Variants in CAMTA1 observed in about 807,000 individuals in gnomAD.
CAMTA1 encodes the protein calmodulin-binding transcription activator 1.
In CAMTA1, 27 loss-of-function variants were observed where a neutral mutation model predicts 170.9. The ratio of observed to expected loss-of-function variants is 0.16; its 90% CI spans 0.12 to 0.22. CAMTA1 has a LOEUF of 0.22. Among genes scored for constraint, CAMTA1 ranks in the 10% least tolerant of loss-of-function variants. The probability of loss-of-function intolerance (pLI) is 1.00; values close to 1 mark genes in which losing one functional copy is unlikely to be tolerated. For missense variants in CAMTA1, 1,619 were observed against 2,217.2 expected, an observed-to-expected ratio of 0.73 and a Z score of 5.42; for synonymous variants, 833 against 891.5, an observed-to-expected ratio of 0.93 and a Z score of 1.17.
At chr1:7,403,923 C>T (rs1422648244) in intron 5 of CAMTA1, among the ~76,000 whole-genome samples, 1 of 152,168 alleles carries the variant, frequency 6.6e-6, no homozygotes, top group African/African-American at 2.4e-5. Context: ...TCTGGCTTCT[C>T]AGTGGCAGAG....
At chr1:7,758,038 A>G (rs2150241613) in intron 22 of CAMTA1, among the ~76,000 whole-genome samples, 1 of 152,274 alleles carries the variant, frequency 6.6e-6, no homozygotes, top group Non-Finnish European at 1.5e-5. Flanking sequence ...CTGCATATAT[A>G]TAGATAATCT....
Position 7,641,494 on chromosome 1 carries a change from G to A in CAMTA1, c.664+941G>A, listed in dbSNP as rs1457349215. Among the ~76,000 whole-genome samples, 1 of 152,196 alleles carries A rather than the reference G, an allele frequency of 6.6e-6. No homozygotes were observed. The highest frequency in any genetic ancestry group is 1.5e-5 in the Non-Finnish European group (1 of 68,030). On this transcript the variant is annotated intron_variant, in intron 7 of 22. Coordinates refer to ENST00000303635, the MANE Select transcript of CAMTA1 (RefSeq NM_015215.4). This position sits in a 1 kb window ranked among gnomAD's most constrained non-coding sequence, Gnocchi z 4.5. The stretch of plus-strand genomic sequence containing the variant: ...TATTCTTTCTGCGGCTGGGAGGAAA[G>A]GTGAAGGTCCTGTGCCTGGGAGGGC...
chr1:7,469,485 C>G (rs932674344), intron 6 of CAMTA1, among the ~76,000 whole-genome samples: 4 of 152,232 alleles, frequency 2.6e-5, no homozygotes, highest in African/African-American at 9.6e-5. Flanking sequence ...TTATCCAAAG[C>G]AGCCTGCAGC....
At chr1:7,081,997 T>C (rs1640073132) in intron 3 of CAMTA1, among the ~76,000 whole-genome samples, 1 of 152,218 alleles carries the variant, frequency 6.6e-6, no homozygotes, top group South Asian at 2.1e-4. Context: ...CCCATTTACC[T>C]TGCTTTTGAA....
chr1:7,078,854 T>C (rs1639648421), intron 3 of CAMTA1, among the ~76,000 whole-genome samples: 1 of 152,216 alleles, frequency 6.6e-6, no homozygotes, highest in South Asian at 2.1e-4. Context: ...AGTGATCTTG[T>C]TGAGCTGAGG....
intron 3 of CAMTA1, among the ~76,000 whole-genome samples, chr1:6,911,490 TG>T (rs1679670726): frequency 6.6e-6 from 1 of 152,216 alleles, no homozygotes; most frequent in South Asian, 2.1e-4. Context: ...TTCCTGTGTT[TG>T]AGCCATCTCT....
chr1:6,804,944 G>A (rs2148263176), intron 1 of CAMTA1, among the ~76,000 whole-genome samples: 1 of 152,250 alleles, frequency 6.6e-6, no homozygotes, highest in South Asian at 2.1e-4. Flanking sequence ...AGACATTTGA[G>A]TTATTCCACT....
chr1:7,499,001 T>G (rs2093906400), intron 6 of CAMTA1, among the ~76,000 whole-genome samples: 1 of 110,552 alleles, frequency 9.0e-6, no homozygotes, highest in African/African-American at 4.4e-5. Flanking sequence ...TGTATATGAG[T>G]GTGTGTGCAT....
intron 5 of CAMTA1, among the ~76,000 whole-genome samples, chr1:7,368,229 C>T (rs1394098118): frequency 6.7e-6 from 1 of 149,306 alleles, no homozygotes; most frequent in Non-Finnish European, 1.5e-5. Flanking sequence ...TGGGTGCAGG[C>T]ACTGGGCATG....
rs2095649668 is a variant in CAMTA1, at chr1:7,628,768, AG to A, written c.511-11628del. On this transcript the variant is annotated intron_variant, in intron 6 of 22. Transcript: ENST00000303635. ...CGTGCTTGGAGAGGATGGAAGAGAC[AG>A]GGGAGGGCAGCAGGCCTGGCTTCCA... Among the ~76,000 whole-genome samples the A allele has an allele frequency of 2.6e-5, 4 of 151,980 alleles. No homozygotes were observed. In the South Asian group the frequency reaches 6.2e-4, roughly 24 times the overall value.
intron 3 of CAMTA1, among the ~76,000 whole-genome samples, chr1:6,868,647 G>T (rs558255885): frequency 1.3e-5 from 2 of 152,292 alleles, no homozygotes; most frequent in East Asian, 3.9e-4. Context: ...GGGGCAGGGA[G>T]GGAGGGGGGA....
rs184162522 is a variant in CAMTA1 at position 6,940,749 on chromosome 1, C to T, written c.234+115539C>T. ...GTGCACTGGGGATTACTGGAGCCCTCGGAGTTGAGGGAGGCCAGAGAAGGA... is the reference window on the plus strand; with the variant it reads ...GTGCACTGGGGATTACTGGAGCCCTTGGAGTTGAGGGAGGCCAGAGAAGGA... On this transcript the variant is annotated intron_variant, in intron 3 of 22. Transcript: ENST00000303635. 3.4e-3 allele frequency among the ~76,000 whole-genome samples: 523 copies of T among 152,084 alleles called. 1 individual carries two copies. Among genetic ancestry groups the T allele is most frequent in the South Asian group, 8.5e-3 (41 of 4,806 alleles).
At chr1:6,872,378 T>C (rs1054399702) in intron 3 of CAMTA1, among the ~76,000 whole-genome samples, 1 of 152,204 alleles carries the variant, frequency 6.6e-6, no homozygotes, top group Non-Finnish European at 1.5e-5. Flanking sequence ...TATTCTGAAG[T>C]ATTTTGGGGA....
Position 7,755,769 on chromosome 1 carries a change from G to A in CAMTA1, c.4989+101G>A, listed in dbSNP as rs571963104. Reference sequence around the variant, plus strand: ...GGCTGCAGCCTAGGTATGCCAGTAAGTTTCACATCCATTTTGAATGAATTA... The same window carrying A: ...GGCTGCAGCCTAGGTATGCCAGTAAATTTCACATCCATTTTGAATGAATTA... On this transcript the variant is annotated intron_variant, in intron 22 of 22. Transcript: ENST00000303635. 8.5e-5 allele frequency: 78 copies of A among 914,946 alleles called. 1 individual carries two copies. In the South Asian group the frequency reaches 1.0e-3, roughly 12 times the overall value. 56.7% of individuals were successfully genotyped at this position (914,946 alleles called of 1,614,324 possible). A position where few individuals can be genotyped will look rare whatever the true frequency, so the allele number is the denominator to read the frequency against.
chr1:7,042,338 G>T (rs932551511), intron 3 of CAMTA1, among the ~76,000 whole-genome samples: 1 of 152,174 alleles, frequency 6.6e-6, no homozygotes, highest in African/African-American at 2.4e-5. Flanking sequence ...GGGCAGAAAC[G>T]CTGTTTCTTC....
At chr1:7,196,939 A>C (rs573046862) in intron 4 of CAMTA1, among the ~76,000 whole-genome samples, 1 of 152,322 alleles carries the variant, frequency 6.6e-6, no homozygotes, top group South Asian at 2.1e-4. Context: ...TCTGTAACAA[A>C]AGTGTTCCTA....
At chr1:7,402,081 G>A (rs774431946) in intron 5 of CAMTA1, among the ~76,000 whole-genome samples, 3 of 152,214 alleles carry the variant, frequency 2.0e-5, no homozygotes, top group Non-Finnish European at 4.4e-5. Context: ...GACTAAGGCA[G>A]CAAGGGTGTC....
rs1388774709 is a variant in CAMTA1 at position 7,216,551 on chromosome 1, C to T, written c.303-32940C>T. Among the ~76,000 whole-genome samples the T allele has an allele frequency of 6.6e-6, 1 of 152,074 alleles. No individual in the cohort carries two copies. The highest frequency in any genetic ancestry group is 1.5e-5 in the Non-Finnish European group (1 of 68,030). ...CTTTCGTTCTTTCACAGAACTGTCG[C>T]CCAGGCTGCAGTGCAGTGTTGAGTT... On this transcript the variant is annotated intron_variant, in intron 4 of 22. Transcript: ENST00000303635. This position sits in a 1 kb window ranked among gnomAD's most constrained non-coding sequence, Gnocchi z 4.0.
chr1:6,793,007 A>G (rs1322311040), intron 1 of CAMTA1, among the ~76,000 whole-genome samples: 1 of 146,800 alleles, frequency 6.8e-6, no homozygotes, highest in Non-Finnish European at 1.5e-5. Context: ...TCATTTCTTC[A>G]TACCACTCAT....
Sources: gnomAD v4.1 joint callset for allele counts (sites outside exome capture counted in the v4.1 genomes callset) on GRCh38, gnomAD v4.1.1 for gene constraint, Gnocchi (gnomAD v3.1) non-coding constraint, MANE v1.5 for transcripts, NCBI Gene and HGNC (gene_info 2026-07-23, HGNC 2026-07-21) for gene names.